AMPD3: variants seen among roughly 807,000 people sequenced by gnomAD.
AMPD3 encodes adenosine monophosphate deaminase 3.
Under a neutral mutation model 82.3 loss-of-function variants are expected in AMPD3, and 57 were observed. The ratio of observed to expected loss-of-function variants is 0.69; its 90% confidence interval spans 0.56 to 0.86. The LOEUF (loss-of-function observed/expected upper bound fraction) is 0.86. Ranked by LOEUF, AMPD3 falls within the 40% of genes least tolerant of loss-of-function variation. AMPD3 has a pLI of 0.00. For synonymous variants in AMPD3, 381 were observed against 394.7 expected (o/e 0.97, Z 0.41); for missense variants, 870 against 1,003.8 (o/e 0.87, Z 1.80).
At chr11:10,497,442 G>A in intron 10 of AMPD3, 1 of 307,294 alleles carries the variant, frequency 3.3e-6, no homozygotes, top group Non-Finnish European at 4.8e-6. Context: ...TCTGGGAGAG[G>A]CTTAACCAGG....
At chr11:10,498,363 G>A in intron 10 of AMPD3, 1 of 153,434 alleles carries the variant, frequency 6.5e-6, no homozygotes, top group Non-Finnish European at 1.5e-5. Context: ...AGGAAGAGCA[G>A]GTATGGGGAG....
At chr11:10,487,452 C>A (rs975222495) in intron 6 of AMPD3, 88 bp downstream of exon 6, 6 of 1,588,532 alleles carry the variant, frequency 3.8e-6, no homozygotes, top group African/African-American at 1.3e-5. Flanking sequence ...GGCTTGTCCC[C>A]TGTGAGAACT....
chr11:10,499,750 C>T (rs1849523246), intron 10 of AMPD3: 2 of 985,452 alleles, frequency 2.0e-6, no homozygotes, highest in Non-Finnish European at 2.4e-6. Context: ...CTGGCCTCGG[C>T]ATAGCAGAGG....
In AMPD3 at chr11:10,478,618, C is replaced by T; in HGVS notation, c.314C>T (p.Ala105Val). 6.2e-7 allele frequency: 1 copy of T among 1,614,238 alleles called. No homozygotes were observed. Among genetic ancestry groups the T allele is most frequent in the Non-Finnish European group, 8.5e-7 (1 of 1,180,040 alleles). Residue 105 changes from alanine to valine, a missense_variant, in exon 3 of 15, where the codon GCC (alanine) becomes GTC (valine). By Grantham distance (64) the Ala-to-Val change is moderately conservative (BLOSUM62 0). Transcript: ENST00000396553. ...AAGGGCCCCCCGGCAGCCAGTCCGGCCATGTCTCCCACAACCCCTGTGGTC... is the reference window on the plus strand; with the variant it reads ...AAGGGCCCCCCGGCAGCCAGTCCGGTCATGTCTCCCACAACCCCTGTGGTC... ...DWKGPPAASP[A>V]MSPTTPVVTG...
intron 3 of AMPD3, among the ~76,000 whole-genome samples, chr11:10,479,417 T>C (rs1848838950): frequency 6.6e-6 from 1 of 152,242 alleles, no homozygotes; most frequent in Admixed American, 6.5e-5. Context: ...ATTAGTCTCT[T>C]TTTAACAGTA....
chr11:10,486,573 C>T (rs555268796), intron 5 of AMPD3: 361 of 985,224 alleles, frequency 3.7e-4, no homozygotes, highest in Non-Finnish European at 4.1e-4. Flanking sequence ...ATTTCTGTCT[C>T]GGTAACAAAT....
rs375814372 is a variant in AMPD3 at position 10,461,629 on chromosome 11, C to T, written c.110C>T (p.Ala37Val). 9.3e-6 allele frequency: 15 copies of T among 1,614,100 alleles called. No individual in the cohort carries two copies. The highest frequency in any genetic ancestry group is 1.6e-4 in the Middle Eastern group (1 of 6,084). Reference protein sequence around the residue: ...KVLREEDSKDALSLFTVPEDC... With the variant: ...KVLREEDSKDVLSLFTVPEDC... ...CTCCGAGAAGAGGACAGCAAAGATG[C>T]CCTGTCCCTGTTCACTGTCCCAGAG... The change falls in exon 2 of 15, where the codon GCC becomes GTC. Residue 37 changes from alanine to valine, a missense_variant. By Grantham distance (64) the Ala-to-Val change is moderately conservative (BLOSUM62 0). Coordinates refer to ENST00000396553, the MANE Select transcript of AMPD3 (RefSeq NM_001025389.2).
intron 12 of AMPD3, chr11:10,502,118 T>C: frequency 4.1e-6 from 4 of 985,456 alleles, no homozygotes; most frequent in Non-Finnish European, 4.8e-6. Context: ...GTGCATACAG[T>C]CTTCTCCGTA....
chr11:10,466,136 C>T (rs1848414214), intron 2 of AMPD3, among the ~76,000 whole-genome samples: 1 of 152,096 alleles, frequency 6.6e-6, no homozygotes, highest in African/African-American at 2.4e-5. Flanking sequence ...GTGGGGGGCA[C>T]CTGTAATCCC....
chr11:10,464,206 A>G (rs573113595), intron 2 of AMPD3, among the ~76,000 whole-genome samples: 1 of 152,350 alleles, frequency 6.6e-6, no homozygotes, highest in South Asian at 2.1e-4. Context: ...CTGCTGAGAC[A>G]GGGAACAATA....
intron 10 of AMPD3, chr11:10,497,703 G>A (rs1163134072): frequency 2.0e-6 from 2 of 984,900 alleles, no homozygotes; most frequent in African/African-American, 3.5e-5. Context: ...TGTGGAGTTG[G>A]CCCAGAAGAG....
chr11:10,451,195 G>GCCCTGTCCCCTGTTCCTGT, upstream of AMPD3: 1 of 1,454,176 alleles, frequency 6.9e-7, no homozygotes, highest in Non-Finnish European at 9.1e-7. Context: ...CCGATCCCTT[G>GCCCTGTCCCCTGTTCCTGT]CCCTGTCCCC....
At chr11:10,483,833 C>A (rs1414870374) in intron 4 of AMPD3, among the ~76,000 whole-genome samples, 1 of 152,246 alleles carries the variant, frequency 6.6e-6, no homozygotes, top group Non-Finnish European at 1.5e-5. Context: ...GCCTTGGCAG[C>A]TTCCTTTGAT....
upstream of AMPD3, chr11:10,454,979 GC>G (rs10709823): frequency 0.16 from 37,714 of 242,580 alleles, 3,215 homozygotes; most frequent in Admixed American, 0.29. Context: ...CCCAGCAGCA[GC>G]CCGAGGATCA....
At chr11:10,503,874 C>T in intron 13 of AMPD3, 1 of 741,414 alleles carries the variant, frequency 1.3e-6, no homozygotes, top group Non-Finnish European at 1.6e-6. Context: ...TTCAAAAGGT[C>T]TTAGGACCCT....
chr11:10,484,672 A>T, intron 4 of AMPD3, 148 bp from the exon 5 acceptor site: 1 of 1,211,462 alleles, frequency 8.3e-7, no homozygotes, highest in African/African-American at 1.5e-5. Context: ...GACGAGACAA[A>T]AGGAAGCAGG....
chr11:10,504,391 G>A (rs1591489708), intron 13 of AMPD3, 158 bp from the exon 14 acceptor site: 1 of 469,332 alleles, frequency 2.1e-6, no homozygotes, highest in Non-Finnish European at 2.8e-6. Context: ...CAGAAGAAAA[G>A]ATCTTAGGCT....
At chr11:10,459,761 T>C (rs1366180547) in intron 1 of AMPD3, among the ~76,000 whole-genome samples, 1 of 151,790 alleles carries the variant, frequency 6.6e-6, no homozygotes, top group African/African-American at 2.4e-5. Flanking sequence ...GACACATACG[T>C]GGACAAAGAG....
chr11:10,478,633 C>T lies in AMPD3; in HGVS notation c.329C>T (p.Thr110Ile), dbSNP rs1432556518. Residue 110 changes from threonine (T) to isoleucine (I), a missense_variant, in exon 3 of 15, where the codon ACC (threonine) becomes ATC (isoleucine). Coordinates refer to ENST00000396553, the MANE Select transcript of AMPD3 (RefSeq NM_001025389.2). ...GCCAGTCCGGCCATGTCTCCCACAA[C>T]CCCTGTGGTCACTGGAGCCACTTCC... The part of the protein sequence containing the change: ...PAASPAMSPT[T>I]PVVTGATSLP... 5 of 1,614,136 alleles carry T rather than the reference C, an allele frequency of 3.1e-6. No individual in the cohort carries two copies. The African/African-American group carries it at 6.7e-5, about 22-fold the overall frequency.
Sources: gnomAD v4.1 joint callset for allele counts (sites outside exome capture counted in the v4.1 genomes callset) on GRCh38, gnomAD v4.1.1 for gene constraint, MANE v1.5 for transcripts, NCBI Gene and HGNC (gene_info 2026-07-23, HGNC 2026-07-21) for gene names.